RCAN2: variants seen among roughly 807,000 people sequenced by gnomAD.
The protein encoded by RCAN2 is regulator of calcineurin 2, also known as calcipressin-2.
A neutral mutation model predicts 23.6 loss-of-function variants in RCAN2; 9 were observed. The observed-to-expected ratio is 0.38, with a 90% confidence interval of 0.23 to 0.67. The LOEUF (loss-of-function observed/expected upper bound fraction) is 0.67. Ranked by LOEUF, RCAN2 falls within the 30% of genes least tolerant of loss-of-function variation. The pLI is 0.51. For synonymous variants in RCAN2, 109 were observed against 115.7 expected, an observed-to-expected ratio of 0.94 and a Z score of 0.37; for missense variants, 273 against 302.3, an observed-to-expected ratio of 0.90 and a Z score of 0.72.
chr6:46,468,933 C>T (rs1582227694), intron 1 of RCAN2: 2 of 776,574 alleles, frequency 2.6e-6, no homozygotes, highest in Non-Finnish European at 3.1e-6. Context: ...GCACAATTTG[C>T]TCTTGATCTG....
intron 2 of RCAN2, among the ~76,000 whole-genome samples, chr6:46,297,282 A>G (rs1447328248): frequency 1.3e-5 from 2 of 152,168 alleles, no homozygotes; most frequent in East Asian, 3.9e-4. Context: ...GGCCAGCGAG[A>G]TGAGAAGATA....
rs543111302 is a variant in RCAN2, at chr6:46,448,363, C to G, written c.225+8389G>C. 5.9e-5 allele frequency among the ~76,000 whole-genome samples: 9 copies of G among 151,706 alleles called. No individual in the cohort carries two copies. The South Asian group carries it at 1.9e-3, about 32-fold the overall frequency. ...TAAAATGTCTCCTACCAAAGAAAAG[C>G]CCAGAACACGATGACTTTATTGCTG... is the stretch of plus-strand genomic sequence containing the variant. On this transcript the variant is annotated intron_variant, in intron 2 of 4. Transcript: ENST00000371374.
intron 2 of RCAN2, among the ~76,000 whole-genome samples, chr6:46,356,156 T>G (rs1764823379): frequency 6.6e-6 from 1 of 152,148 alleles, no homozygotes; most frequent in African/African-American, 2.4e-5. Flanking sequence ...GGAGACCAAC[T>G]GAAGAAGTGG....
intron 1 of RCAN2, among the ~76,000 whole-genome samples, chr6:46,459,098 A>AC (rs1768138411): frequency 6.6e-6 from 1 of 152,190 alleles, no homozygotes; most frequent in African/African-American, 2.4e-5. Context: ...GGGTTTCACC[A>AC]CGTTGGCCAG....
intron 2 of RCAN2, among the ~76,000 whole-genome samples, chr6:46,405,680 A>G (rs1366962841): frequency 6.6e-6 from 1 of 152,098 alleles, no homozygotes; most frequent in Admixed American, 6.5e-5. Flanking sequence ...TCCCCACCAG[A>G]CTCAGGAGCC....
At chr6:46,325,644 C>G in intron 2 of RCAN2, 5 of 1,421,860 alleles carry the variant, frequency 3.5e-6, no homozygotes, top group East Asian at 2.6e-5. Context: ...ACGCAGCCCT[C>G]CGCGTCTGAG....
intron 2 of RCAN2, among the ~76,000 whole-genome samples, chr6:46,304,991 A>C (rs1268166052): frequency 1.3e-5 from 2 of 152,160 alleles, no homozygotes; most frequent in Non-Finnish European, 1.5e-5. Flanking sequence ...TGCTTGTATT[A>C]GATGCTTCTA....
intron 2 of RCAN2, among the ~76,000 whole-genome samples, chr6:46,296,086 T>C (rs1762720214): frequency 6.7e-6 from 1 of 150,082 alleles, no homozygotes; most frequent in African/African-American, 2.5e-5. Context: ...TGTGTGTGTG[T>C]GTGTGTGTGT....
chr6:46,264,407 ACTT>A (rs1466800870), intron 2 of RCAN2, among the ~76,000 whole-genome samples: 2 of 152,208 alleles, frequency 1.3e-5, no homozygotes, highest in Non-Finnish European at 2.9e-5. Context: ...GATATAAGGA[ACTT>A]CTTATGATTC....
chr6:46,288,355 C>T (rs1422636555), intron 2 of RCAN2, among the ~76,000 whole-genome samples: 1 of 152,158 alleles, frequency 6.6e-6, no homozygotes, highest in Non-Finnish European at 1.5e-5. Context: ...TTAAGGAATC[C>T]CAGGCACCAG....
intron 2 of RCAN2, among the ~76,000 whole-genome samples, chr6:46,319,374 TTC>T (rs2150361155): frequency 6.6e-6 from 1 of 152,334 alleles, no homozygotes; most frequent in African/African-American, 2.4e-5. Flanking sequence ...TAAAATCTGT[TTC>T]TTTAGGAAAA....
chr6:46,225,936 T>A (rs1448966834), intron 4 of RCAN2, among the ~76,000 whole-genome samples: 1 of 152,240 alleles, frequency 6.6e-6, no homozygotes, highest in East Asian at 1.9e-4. Flanking sequence ...ATTTAAGTCT[T>A]TAATCCATCT....
At chr6:46,427,137 TG>T (rs1272572902) in intron 2 of RCAN2, among the ~76,000 whole-genome samples, 1 of 152,194 alleles carries the variant, frequency 6.6e-6, no homozygotes, top group Non-Finnish European at 1.5e-5. Flanking sequence ...TTTGAATAAC[TG>T]GAATTTAGAA....
chr6:46,478,679 G>C (rs1337568721), intron 1 of RCAN2, among the ~76,000 whole-genome samples: 1 of 152,088 alleles, frequency 6.6e-6, no homozygotes, highest in Non-Finnish European at 1.5e-5. Flanking sequence ...AAGAACTAAG[G>C]ATAAATATGC....
intron 2 of RCAN2, among the ~76,000 whole-genome samples, chr6:46,443,668 C>T (rs961856963): frequency 2.4e-4 from 36 of 152,080 alleles, no homozygotes; most frequent in African/African-American, 8.7e-4. Context: ...TATAAATTGA[C>T]GTATAAAGCA....
At chr6:46,261,943 G>A (rs1328626379) in intron 2 of RCAN2, among the ~76,000 whole-genome samples, 2 of 152,174 alleles carry the variant, frequency 1.3e-5, no homozygotes, top group Non-Finnish European at 2.9e-5. Flanking sequence ...GAGACAGTGA[G>A]CAAAGGATAA....
chr6:46,241,125 C>T (rs1260123286), intron 4 of RCAN2, among the ~76,000 whole-genome samples: 1 of 152,194 alleles, frequency 6.6e-6, no homozygotes. Flanking sequence ...CCTCTGATTT[C>T]CTGTCTAGTT....
intron 2 of RCAN2, among the ~76,000 whole-genome samples, chr6:46,305,378 C>T (rs1310333176): frequency 6.6e-6 from 1 of 152,082 alleles, no homozygotes; most frequent in African/African-American, 2.4e-5. Context: ...CAGGGGCCTG[C>T]TCCATTCCCT....
chr6:46,295,855 G>A (rs899586113), intron 2 of RCAN2, among the ~76,000 whole-genome samples: 1 of 151,948 alleles, frequency 6.6e-6, no homozygotes, highest in Non-Finnish European at 1.5e-5. Flanking sequence ...GCAGGAGGGA[G>A]GATCTAGACA....
Sources: gnomAD v4.1 joint callset for allele counts (sites outside exome capture counted in the v4.1 genomes callset) on GRCh38, gnomAD v4.1.1 for gene constraint, MANE v1.5 for transcripts, NCBI Gene and HGNC (gene_info 2026-07-23, HGNC 2026-07-21) for gene names.